The following MCF2L2 variants were observed in gnomAD, a reference collection of about 807,000 sequenced individuals.
The protein encoded by MCF2L2 is probable guanine nucleotide exchange factor MCF2L2.
In MCF2L2, 102 loss-of-function variants were observed where a neutral mutation model predicts 150.2. That is an observed-to-expected ratio of 0.68 (90% CI 0.58 to 0.80). The LOEUF (loss-of-function observed/expected upper bound fraction) is 0.80. MCF2L2 is among the 30% of genes least tolerant of loss of function. The pLI is 0.00. For synonymous variants in MCF2L2, 465 were observed against 491.3 expected (o/e 0.95, Z 0.71); for missense variants, 1,256 against 1,372.8 (o/e 0.91, Z 1.34).
intron 3 of MCF2L2, among the ~76,000 whole-genome samples, 171 bp from the exon 4 acceptor site, chr3:183,341,801 A>C (rs1422056891): frequency 6.6e-6 from 1 of 152,250 alleles, no homozygotes; most frequent in South Asian, 2.1e-4. Context: ...AATCTTAACA[A>C]AATAGATACT....
rs201797146 is a variant in MCF2L2 at position 183,187,137 on chromosome 3, C to CA, written c.3016+5861dup. 5.0e-3 allele frequency among the ~76,000 whole-genome samples: 757 copies of CA among 150,006 alleles called. 6 individuals carry two copies. The highest frequency in any genetic ancestry group is 0.014 in the African/African-American group (592 of 40,952). Reference sequence around the variant, plus strand: ...AGTGCCCCAATAAGTTTGAATAACACAAAAAAAAAGATAATGAAAGTAACT... The same window carrying CA: ...AGTGCCCCAATAAGTTTGAATAACACAAAAAAAAAAGATAATGAAAGTAACT... On this transcript the variant is annotated intron_variant, in intron 27 of 29. Transcript: ENST00000328913.
chr3:183,315,918 T>G (rs1359255011), intron 7 of MCF2L2, among the ~76,000 whole-genome samples: 1 of 152,196 alleles, frequency 6.6e-6, no homozygotes, highest in Non-Finnish European at 1.5e-5. Flanking sequence ...CACATTGTCA[T>G]CCCGGTGCTT....
chr3:183,252,722 C>T (rs1373860112), intron 15 of MCF2L2, among the ~76,000 whole-genome samples: 2 of 152,198 alleles, frequency 1.3e-5, no homozygotes, highest in East Asian at 1.9e-4. Context: ...CCTTTTACGA[C>T]AAACTCAAAG....
At chr3:183,365,557 G>A (rs1712471680) in intron 3 of MCF2L2, among the ~76,000 whole-genome samples, 1 of 152,134 alleles carries the variant, frequency 6.6e-6, no homozygotes, top group African/African-American at 2.4e-5. Context: ...TCAGATAACT[G>A]AATAGCCATT....
At chr3:183,183,086 C>T (rs1449137627) in intron 27 of MCF2L2, among the ~76,000 whole-genome samples, 1 of 152,208 alleles carries the variant, frequency 6.6e-6, no homozygotes, top group Non-Finnish European at 1.5e-5. Context: ...GCCTTGACTT[C>T]CTGGGTTGAA....
At chr3:183,427,324 T>G (rs1444046263) in intron 1 of MCF2L2, among the ~76,000 whole-genome samples, 1 of 152,138 alleles carries the variant, frequency 6.6e-6, no homozygotes, top group Non-Finnish European at 1.5e-5. Context: ...GGAAGAAGAT[T>G]AAAATTGCTC....
chr3:183,191,120 C>G (rs2108634038), intron 27 of MCF2L2, among the ~76,000 whole-genome samples: 1 of 152,268 alleles, frequency 6.6e-6, no homozygotes, highest in African/African-American at 2.4e-5. Context: ...AGGTGATCCG[C>G]CCACCTCGGC....
intron 3 of MCF2L2, chr3:183,376,489 A>G (rs1329644974): frequency 6.6e-6 from 1 of 152,242 alleles, no homozygotes; most frequent in Non-Finnish European, 1.5e-5. Context: ...CTGAAATGCC[A>G]CTGGGCCAAA....
chr3:183,192,669 T>C (rs147019217), intron 27 of MCF2L2: 78 of 235,766 alleles, frequency 3.3e-4, no homozygotes, highest in Admixed American at 6.3e-4. Flanking sequence ...AACTCATCGA[T>C]TGTTTATTTC....
intron 1 of MCF2L2, among the ~76,000 whole-genome samples, chr3:183,409,039 A>T (rs767482206): frequency 6.6e-6 from 1 of 152,250 alleles, no homozygotes; most frequent in Non-Finnish European, 1.5e-5. Context: ...AATTAGGCAA[A>T]CATTTCTTCC....
chr3:183,219,437 C>A (rs1328021692), intron 21 of MCF2L2, among the ~76,000 whole-genome samples: 2 of 152,024 alleles, frequency 1.3e-5, no homozygotes, highest in African/African-American at 4.8e-5. Flanking sequence ...ATGGCGAAAC[C>A]CCGTCTCTAC....
chr3:183,247,949 T>C (rs572918777), intron 15 of MCF2L2, among the ~76,000 whole-genome samples: 4 of 152,246 alleles, frequency 2.6e-5, no homozygotes, highest in African/African-American at 9.6e-5. Context: ...GGAAATCTAT[T>C]GCAAAAAGGA....
At chr3:183,354,944 T>C (rs773958078) in intron 3 of MCF2L2, among the ~76,000 whole-genome samples, 1 of 152,132 alleles carries the variant, frequency 6.6e-6, no homozygotes, top group Non-Finnish European at 1.5e-5. Flanking sequence ...CATGAATAAA[T>C]ACAGAAATAA....
chr3:183,239,844 C>T (rs1723931318), intron 15 of MCF2L2, among the ~76,000 whole-genome samples: 1 of 152,192 alleles, frequency 6.6e-6, no homozygotes, highest in African/African-American at 2.4e-5. Context: ...GACCTTTGGT[C>T]ACTCTTGAGC....
At chr3:183,346,358 C>G (rs1254768095) in intron 3 of MCF2L2, among the ~76,000 whole-genome samples, 1 of 152,168 alleles carries the variant, frequency 6.6e-6, no homozygotes, top group Non-Finnish European at 1.5e-5. Context: ...CGATAAAATT[C>G]AACACCTTTA....
intron 5 of MCF2L2, among the ~76,000 whole-genome samples, chr3:183,329,519 ACAACT>A (rs1730183057): frequency 1.3e-5 from 2 of 152,242 alleles, no homozygotes; most frequent in Non-Finnish European, 2.9e-5. Context: ...AAAACTAGAA[ACAACT>A]CAAATGTTCT....
At chr3:183,417,786 A>G (rs1367422381) in intron 1 of MCF2L2, among the ~76,000 whole-genome samples, 3 of 144,508 alleles carry the variant, frequency 2.1e-5, no homozygotes, top group Non-Finnish European at 4.4e-5. Context: ...ACAGTTCCAC[A>G]TGGCTAAGGG....
At chr3:183,203,262 G>T (rs781142778) in intron 25 of MCF2L2, among the ~76,000 whole-genome samples, 5 of 151,948 alleles carry the variant, frequency 3.3e-5, no homozygotes, top group African/African-American at 4.8e-5. Context: ...AGGAAGCCAA[G>T]ATACTGACTT....
At chr3:183,367,430 G>A (rs537910064) in intron 3 of MCF2L2, among the ~76,000 whole-genome samples, 86 of 151,884 alleles carry the variant, frequency 5.7e-4, no homozygotes, top group Middle Eastern at 3.4e-3. Context: ...GGATTTCACC[G>A]TGTTGGCCAG....
Sources: allele counts gnomAD v4.1 joint callset (sites outside exome capture counted in the v4.1 genomes callset), GRCh38; gene constraint gnomAD v4.1.1; transcripts MANE v1.5; gene names NCBI Gene and HGNC (gene_info 2026-07-23, HGNC 2026-07-21).